GCNT2: variants seen among roughly 807,000 people sequenced by gnomAD.
GCNT2 encodes N-acetyllactosaminide beta-1,6-N-acetylglucosaminyl-transferase.
GCNT2 carries 34 observed loss-of-function variants against 34.2 expected under a neutral mutation model. The ratio of observed to expected loss-of-function variants is 1.00; its 90% confidence interval spans 0.76 to 1.32. The LOEUF is 1.32. Ranked by LOEUF, GCNT2 falls within the 40% of genes most tolerant of loss-of-function variation. The probability of loss-of-function intolerance (pLI) is 0.00; values close to 1 mark genes in which losing one functional copy is unlikely to be tolerated. For synonymous variants in GCNT2, 212 were observed against 188.0 expected (o/e 1.13, Z -1.04); for missense variants, 584 against 489.4 (o/e 1.19, Z -1.82).
At chr6:10,572,411 T>A (rs1763592683) in intron 3 of GCNT2, among the ~76,000 whole-genome samples, 1 of 152,018 alleles carries the variant, frequency 6.6e-6, no homozygotes, top group South Asian at 2.1e-4. Context: ...AGTATAGAGT[T>A]TAAGGATGTC....
intron 3 of GCNT2, among the ~76,000 whole-genome samples, chr6:10,542,758 T>G (rs1346940108): frequency 1.3e-5 from 2 of 152,168 alleles, no homozygotes; most frequent in Admixed American, 6.5e-5. Context: ...TTGATGGACA[T>G]TTGGGTTGCT....
chr6:10,612,840 C>T (rs780527422), intron 3 of GCNT2, among the ~76,000 whole-genome samples: 10 of 152,106 alleles, frequency 6.6e-5, no homozygotes, highest in Admixed American at 2.0e-4. Flanking sequence ...TCTTCATATA[C>T]GGATTTCTGC....
intron 1 of GCNT2, among the ~76,000 whole-genome samples, chr6:10,522,108 A>G (rs1460986568): frequency 6.6e-6 from 1 of 151,812 alleles, no homozygotes; most frequent in African/African-American, 2.4e-5. Flanking sequence ...GGCTGGTCTC[A>G]AACTCCTGAC....
intron 4 of GCNT2, among the ~76,000 whole-genome samples, chr6:10,622,783 C>T (rs532683013): frequency 3.0e-4 from 33 of 111,108 alleles, no homozygotes; most frequent in Non-Finnish European, 5.1e-4. Flanking sequence ...GATGGATTCT[C>T]GCTCTATCAC....
intron 3 of GCNT2, chr6:10,585,776 GA>G: frequency 2.1e-6 from 3 of 1,427,058 alleles, no homozygotes; most frequent in Non-Finnish European, 2.7e-6. Context: ...CAAAGTGAGA[GA>G]GGGACGCACC....
intron 3 of GCNT2, chr6:10,556,543 C>T: frequency 2.5e-6 from 4 of 1,614,036 alleles, no homozygotes; most frequent in Non-Finnish European, 3.4e-6. Flanking sequence ...ATATCTCAGA[C>T]CCTTTGAGGC....
chr6:10,539,187 T>G (rs2113573280), intron 3 of GCNT2, among the ~76,000 whole-genome samples: 1 of 126,618 alleles, frequency 7.9e-6, no homozygotes, highest in South Asian at 3.0e-4. Flanking sequence ...TCTCTTTTTT[T>G]TTTTTTTTTT....
chr6:10,591,519 G>C (rs1764640488), intron 3 of GCNT2, among the ~76,000 whole-genome samples: 1 of 152,174 alleles, frequency 6.6e-6, no homozygotes, highest in South Asian at 2.1e-4. Flanking sequence ...AGAAAATGTG[G>C]CTCCCACACA....
At chr6:10,542,115 C>A (rs1455739600) in intron 3 of GCNT2, among the ~76,000 whole-genome samples, 2 of 152,060 alleles carry the variant, frequency 1.3e-5, no homozygotes, top group African/African-American at 4.8e-5. Context: ...GCTAATGAGA[C>A]CTGCAATGTA....
intron 3 of GCNT2, among the ~76,000 whole-genome samples, chr6:10,562,363 T>C (rs1407610659): frequency 6.6e-6 from 1 of 152,096 alleles, no homozygotes; most frequent in Admixed American, 6.6e-5. Flanking sequence ...AAGAAATACT[T>C]TTTCCTGAGA....
intron 3 of GCNT2, among the ~76,000 whole-genome samples, chr6:10,588,785 ATGTGTGTGTGTG>A (rs60988454): frequency 3.0e-5 from 4 of 135,162 alleles, no homozygotes; most frequent in East Asian, 4.5e-4. Flanking sequence ...TGTGTGTGTG[ATGTGTGTGTGTG>A]TGTGTGTGTG....
At position 10,626,908 on chromosome 6, in the gene GCNT2, C is replaced by A; in HGVS notation, c.*301C>A. On this transcript the variant is annotated 3_prime_UTR_variant, in exon 5 of 5. Transcript: ENST00000495262. ...AAATTTAAATGACCTCAGATCTTTG[C>A]ACCAGATACTCATCATATACAAATG... 2.7e-6 allele frequency: 1 copy of A among 369,622 alleles called. No homozygotes were observed. The allele number at this position is 369,622 out of a possible 1,614,324, so 22.9% of individuals were successfully genotyped here. A position where few individuals can be genotyped will look rare whatever the true frequency, so the allele number is the denominator to read the frequency against.
chr6:10,563,722 A>G (rs1763123823), intron 3 of GCNT2, among the ~76,000 whole-genome samples: 1 of 141,716 alleles, frequency 7.1e-6, no homozygotes, highest in Non-Finnish European at 1.5e-5. Context: ...AGCCTGGGTG[A>G]CAGAGTGAGA....
rs201986799 is a variant in GCNT2, at chr6:10,586,547, C to G, written c.926-34804C>G. ...TCGCCTCTGAGGTTCCCTGGAAGTA[C>G]GTCATCAACACCTGTGGACAAGACT... On this transcript the variant is annotated intron_variant, in intron 3 of 4. Transcript: ENST00000495262. 5.0e-6 allele frequency: 8 copies of G among 1,614,062 alleles called. No individual in the cohort carries two copies. The Middle Eastern group carries it at 4.9e-4, about 100-fold the overall frequency.
intron 3 of GCNT2, among the ~76,000 whole-genome samples, chr6:10,617,154 G>A (rs1285683175): frequency 1.3e-5 from 2 of 152,190 alleles, no homozygotes; most frequent in South Asian, 2.1e-4. Context: ...AGCCCATGGC[G>A]GTCGGGGGGA....
At chr6:10,556,366 T>C in intron 3 of GCNT2, 1 of 1,609,766 alleles carries the variant, frequency 6.2e-7, no homozygotes, top group East Asian at 2.2e-5. Flanking sequence ...ACGAGTGAGT[T>C]TGGAAAAAAG....
chr6:10,590,519 C>T (rs1764586754), intron 3 of GCNT2, among the ~76,000 whole-genome samples: 2 of 151,740 alleles, frequency 1.3e-5, no homozygotes, highest in Non-Finnish European at 2.9e-5. Flanking sequence ...ACTTTATGTT[C>T]CAGCAACTAC....
chr6:10,556,173 G>A, intron 3 of GCNT2: 1 of 1,373,920 alleles, frequency 7.3e-7, no homozygotes, highest in Non-Finnish European at 9.4e-7. Flanking sequence ...GGGAAGGCTG[G>A]GCTTCAGCAA....
At chr6:10,542,732 T>G (rs576736395) in intron 3 of GCNT2, among the ~76,000 whole-genome samples, 1 of 152,234 alleles carries the variant, frequency 6.6e-6, no homozygotes, top group South Asian at 2.1e-4. Context: ...ATACACCACG[T>G]TTATTTTTTC....
Sources: gnomAD v4.1 joint callset for allele counts (sites outside exome capture counted in the v4.1 genomes callset) on GRCh38, gnomAD v4.1.1 for gene constraint, MANE v1.5 for transcripts, NCBI Gene and HGNC (gene_info 2026-07-23, HGNC 2026-07-21) for gene names.